Variants in FXYD5 observed in about 807,000 individuals in gnomAD.
FXYD5 encodes the protein FXYD domain-containing ion transport regulator 5.
Under a neutral mutation model 25.7 loss-of-function variants are expected in FXYD5, and 21 were observed. That is an observed-to-expected ratio of 0.82 (90% CI 0.58 to 1.18). The LOEUF is 1.18. FXYD5 is among the 50% of genes most tolerant of loss of function. The pLI is 0.00. For synonymous variants in FXYD5, 101 were observed against 90.7 expected, an observed-to-expected ratio of 1.11 and a Z score of -0.64; for missense variants, 229 against 227.7, an observed-to-expected ratio of 1.01 and a Z score of -0.04.
chr19:35,159,487 G>C, intron 4 of FXYD5: 1 of 1,548,032 alleles, frequency 6.5e-7, no homozygotes, highest in Non-Finnish European at 8.7e-7. Context: ...GACTTGTTTT[G>C]TTTTCTCTCC....
intron 8 of FXYD5, chr19:35,166,533 G>T: frequency 2.1e-6 from 1 of 478,754 alleles, no homozygotes. Flanking sequence ...ACATAGGCTG[G>T]GCTCAGCTGG....
At chr19:35,155,344 G>A (rs1039608710) in intron 1 of FXYD5, 1 of 590,392 alleles carries the variant, frequency 1.7e-6, no homozygotes, top group African/African-American at 1.9e-5. Context: ...TTGGGGACCT[G>A]CAGGGGAAGG....
rs1213869806 is a variant in FXYD5, at chr19:35,164,394, A to T, written c.382+149A>T. 3 of 722,176 alleles carry T rather than the reference A, an allele frequency of 4.2e-6. No homozygotes were observed. The Admixed American group carries it at 9.6e-5, about 23-fold the overall frequency. The allele number at this position is 722,176 out of a possible 1,614,324, so 44.7% of individuals were successfully genotyped here. A position where few individuals can be genotyped will look rare whatever the true frequency, so the allele number is the denominator to read the frequency against. On this transcript the variant is annotated intron_variant, in intron 6 of 8. Coordinates refer to ENST00000392219, the MANE Select transcript of FXYD5 (RefSeq NM_014164.6). ...TTCAAGCCAGGCAGAGGGTGGGCAC[A>T]TGATAAATGTCTGAATAGATAAGTG...
At chr19:35,155,955 A>G (rs1335162878) in intron 2 of FXYD5, among the ~76,000 whole-genome samples, 6 of 152,228 alleles carry the variant, frequency 3.9e-5, no homozygotes, top group Admixed American at 3.3e-4. Flanking sequence ...CAGAGTCCCC[A>G]GGCATTACAC....
At chr19:35,157,721 GAA>G (rs1204196330) in intron 3 of FXYD5, 3 of 420,956 alleles carry the variant, frequency 7.1e-6, no homozygotes, top group African/African-American at 6.2e-5. Flanking sequence ...TCATTTTCAG[GAA>G]GAGTCTCCTC....
chr19:35,164,633 G>T lies in FXYD5; in HGVS notation c.382+388G>T, dbSNP rs2065435068. On this transcript the variant is annotated intron_variant, in intron 6 of 8. Coordinates refer to ENST00000392219, the MANE Select transcript of FXYD5 (RefSeq NM_014164.6). ...TAGGGGCAATTTGATTCTTTCCCTG[G>T]TGATCTTATCCACCACTTCCTGCCC... Among the ~76,000 whole-genome samples the T allele has an allele frequency of 2.0e-5, 3 of 152,080 alleles. No homozygotes were observed. In the South Asian group the frequency reaches 6.2e-4, roughly 32 times the overall value.
chr19:35,162,151 T>G (rs763573996), intron 5 of FXYD5, among the ~76,000 whole-genome samples: 1 of 152,200 alleles, frequency 6.6e-6, no homozygotes, highest in Non-Finnish European at 1.5e-5. Flanking sequence ...TATGTATTGG[T>G]CCATGTTCCT....
rs746475163 is a variant in FXYD5, at chr19:35,166,216, C to T, written c.413-35C>T. Reference sequence around the variant, plus strand: ...ATGTGGGGGAAGGAAAGGTGAGGTCCGTCTGACTCTACCCCTTCATTTTTC... The same window carrying T: ...ATGTGGGGGAAGGAAAGGTGAGGTCTGTCTGACTCTACCCCTTCATTTTTC... On this transcript the variant is annotated intron_variant, in intron 7 of 8. Coordinates refer to ENST00000392219, the MANE Select transcript of FXYD5 (RefSeq NM_014164.6). 2.4e-5 allele frequency: 39 copies of T among 1,609,318 alleles called. No individual in the cohort carries two copies. The Admixed American group carries it at 4.0e-4, about 17-fold the overall frequency.
rs773974002 is a variant in FXYD5, at chr19:35,155,531, A to G, written c.1-20A>G. On this transcript the variant is annotated intron_variant, in intron 1 of 8. Coordinates refer to ENST00000392219, the MANE Select transcript of FXYD5 (RefSeq NM_014164.6). ...TCTCACTGACATCATGGCTGACCCCAGCATCGCCTGGTCCCACAGATGTCG... is the reference window on the plus strand; with the variant it reads ...TCTCACTGACATCATGGCTGACCCCGGCATCGCCTGGTCCCACAGATGTCG... The G allele has an allele frequency of 4.4e-6, 7 of 1,605,062 alleles. No individual in the cohort carries two copies. The Admixed American group carries it at 1.2e-4, about 27-fold the overall frequency.
chr19:35,161,221 A>AACACACAC (rs147168736), intron 5 of FXYD5, among the ~76,000 whole-genome samples: 32 of 38,242 alleles, frequency 8.4e-4, no homozygotes, highest in Non-Finnish European at 1.3e-3. Context: ...ATTCACCTTA[A>AACACACAC]ACACACACAC....
intron 5 of FXYD5, among the ~76,000 whole-genome samples, chr19:35,162,638 T>A (rs2033305796): frequency 1.3e-5 from 2 of 152,074 alleles, no homozygotes; most frequent in Admixed American, 6.5e-5. Flanking sequence ...CATGATCCTA[T>A]CTAACCCTAA....
At chr19:35,157,994 A>G (rs1352477321) in intron 3 of FXYD5, among the ~76,000 whole-genome samples, 2 of 152,158 alleles carry the variant, frequency 1.3e-5, no homozygotes, top group Non-Finnish European at 2.9e-5. Context: ...TCAGGGAAGG[A>G]TGGTCCCTAA....
intron 6 of FXYD5, among the ~76,000 whole-genome samples, chr19:35,165,118 T>A (rs2065439458): frequency 2.0e-5 from 3 of 152,122 alleles, no homozygotes; most frequent in Admixed American, 2.0e-4. Context: ...TGGAAAGGGG[T>A]TCCGATCCAG....
Position 35,158,336 on chromosome 19 carries a change from G to C in FXYD5, c.143-8G>C. On this transcript the variant is annotated splice_polypyrimidine_tract_variant and splice_region_variant and intron_variant, in intron 3 of 8. Coordinates refer to ENST00000392219, the MANE Select transcript of FXYD5 (RefSeq NM_014164.6). ...TTCTCTCCGTGACTCCTTGTTTCTG[G>C]ACTCCAGATGCAGTCTACACAGAAC... is the stretch of plus-strand genomic sequence containing the variant. 6.3e-7 allele frequency: 1 copy of C among 1,596,270 alleles called. No homozygotes were observed. The highest frequency in any genetic ancestry group is 8.6e-7 in the Non-Finnish European group (1 of 1,164,096).
intron 4 of FXYD5, among the ~76,000 whole-genome samples, chr19:35,158,832 A>C (rs1211065223): frequency 6.6e-6 from 1 of 152,140 alleles, no homozygotes; most frequent in Non-Finnish European, 1.5e-5. Context: ...AGTATAATTC[A>C]AAAAGTGCTC....
intron 8 of FXYD5, among the ~76,000 whole-genome samples, chr19:35,167,580 T>A (rs1264197247): frequency 6.6e-6 from 1 of 152,214 alleles, no homozygotes; most frequent in African/African-American, 2.4e-5. Context: ...AAAAGGTTTT[T>A]AAAATGTTGT....
chr19:35,164,301 T>A, intron 6 of FXYD5, 56 bp downstream of exon 6: 1 of 1,533,280 alleles, frequency 6.5e-7, no homozygotes, highest in Admixed American at 1.8e-5. Flanking sequence ...ACTGTGTATT[T>A]CCAGCACCTG....
chr19:35,164,074 C>A (rs750977445), intron 5 of FXYD5, 82 bp from the exon 6 acceptor site: 1 of 1,603,112 alleles, frequency 6.2e-7, no homozygotes, highest in Admixed American at 1.7e-5. Context: ...GGGTTTCTTC[C>A]AGATGCAGAC....
chr19:35,158,735 G>A (rs1263165543), intron 4 of FXYD5, among the ~76,000 whole-genome samples: 1 of 152,128 alleles, frequency 6.6e-6, no homozygotes, highest in East Asian at 1.9e-4. Flanking sequence ...GTCTCTGTGT[G>A]CCAGTCCCAT....
Sources: gnomAD v4.1 joint callset for allele counts (sites outside exome capture counted in the v4.1 genomes callset) on GRCh38, gnomAD v4.1.1 for gene constraint, MANE v1.5 for transcripts, NCBI Gene and HGNC (gene_info 2026-07-23, HGNC 2026-07-21) for gene names.